PPM1B: variants seen among roughly 807,000 people sequenced by gnomAD.
The protein encoded by PPM1B is protein phosphatase, Mg2+/Mn2+ dependent 1B.
PPM1B carries 22 observed loss-of-function variants against 43.0 expected under a neutral mutation model. The ratio of observed to expected loss-of-function variants is 0.51; its 90% CI spans 0.37 to 0.73. The LOEUF (loss-of-function observed/expected upper bound fraction) is 0.73. PPM1B is among the 30% of genes least tolerant of loss of function. The pLI, the probability that PPM1B is intolerant of heterozygous loss-of-function variation, is 0.00. For missense variants in PPM1B, 632 were observed against 584.2 expected (o/e 1.08, Z -0.84); for synonymous variants, 217 against 197.9 (o/e 1.10, Z -0.81).
At chr2:44,207,381 C>G (rs1321309484) in intron 2 of PPM1B, among the ~76,000 whole-genome samples, 3 of 152,118 alleles carry the variant, frequency 2.0e-5, no homozygotes, top group South Asian at 2.1e-4. Flanking sequence ...ACAAAATAGC[C>G]TACCACCTCC....
chr2:44,179,175 A>G lies in PPM1B; in HGVS notation c.-15+9901A>G, dbSNP rs531753660. ...GCTCTCTCTTTGCCTGCTGCCATCT[A>G]TGTAAGATGTGACCTGCTTCTCCTT... On this transcript the variant is annotated intron_variant, in intron 1 of 5. Transcript: ENST00000282412. Among the ~76,000 whole-genome samples the G allele has an allele frequency of 5.3e-5, 8 of 152,274 alleles. No homozygotes were observed. In the South Asian group the frequency reaches 1.2e-3, roughly 24 times the overall value.
intron 1 of PPM1B, among the ~76,000 whole-genome samples, chr2:44,193,599 A>T (rs1414634304): frequency 5.4e-5 from 7 of 130,300 alleles, no homozygotes; most frequent in African/African-American, 1.8e-4. Flanking sequence ...TTTTTTTGAG[A>T]GACAGAGTCT....
downstream of PPM1B, among the ~76,000 whole-genome samples, chr2:44,245,952 A>C (rs1021250165): frequency 1.3e-5 from 2 of 152,200 alleles, no homozygotes; most frequent in Admixed American, 6.5e-5. Flanking sequence ...ATCTGTTTAA[A>C]TTAGATTCTG....
intron 3 of PPM1B, among the ~76,000 whole-genome samples, chr2:44,211,469 C>T (rs1669463578): frequency 6.6e-6 from 1 of 152,152 alleles, no homozygotes; most frequent in Non-Finnish European, 1.5e-5. Flanking sequence ...CTCAGTGCAT[C>T]ACAATCAGGG....
At position 44,230,697 on chromosome 2, in the gene PPM1B, G is replaced by A; in HGVS notation, c.1419G>A (p.Lys473=). Residue 473 remains lysine (K), a synonymous_variant, in exon 6 of 6, where the codon AAG becomes AAA. Transcript: ENST00000282412. ...LDSSNEDAGT[K]MSGEKI ...GCTCTAATGAAGATGCAGGGACAAA[G>A]ATGAGTGGTGAAAAAATATGACTTT... The A allele has an allele frequency of 6.2e-7, 1 of 1,607,866 alleles. No individual in the cohort carries two copies. Among genetic ancestry groups the A allele is most frequent in the East Asian group, 2.2e-5 (1 of 44,736 alleles).
At chr2:44,205,251 G>A (rs1669123321) in intron 2 of PPM1B, among the ~76,000 whole-genome samples, 1 of 152,040 alleles carries the variant, frequency 6.6e-6, no homozygotes. Flanking sequence ...GGTGAGTATT[G>A]AGGCTGAGAC....
At chr2:44,207,783 A>G (rs988877356) in intron 2 of PPM1B, among the ~76,000 whole-genome samples, 1 of 151,758 alleles carries the variant, frequency 6.6e-6, no homozygotes, top group Non-Finnish European at 1.5e-5. Context: ...AGGTTTTGCC[A>G]TGATGCCCAG....
chr2:44,231,933 A>G (rs1044837690), downstream of PPM1B, among the ~76,000 whole-genome samples: 2 of 152,244 alleles, frequency 1.3e-5, no homozygotes, highest in African/African-American at 4.8e-5. Context: ...ACTGTAGAAC[A>G]TTAACTTTTC....
chr2:44,195,224 G>A (rs1247686052), intron 1 of PPM1B, among the ~76,000 whole-genome samples: 4 of 145,328 alleles, frequency 2.8e-5, no homozygotes, highest in African/African-American at 1.0e-4. Flanking sequence ...TTTTTCAAGA[G>A]ACAGGGACTC....
At chr2:44,173,868 G>A (rs1393269855) in intron 1 of PPM1B, among the ~76,000 whole-genome samples, 2 of 152,180 alleles carry the variant, frequency 1.3e-5, no homozygotes, top group Non-Finnish European at 1.5e-5. Context: ...GCTTGTACCC[G>A]AGAGGTGAAG....
chr2:44,230,283 T>C, intron 5 of PPM1B, 130 bp from the exon 6 acceptor site: 2 of 1,490,306 alleles, frequency 1.3e-6, no homozygotes, highest in South Asian at 2.8e-5. Context: ...TGATATTTAA[T>C]AAAATGTTCT....
chr2:44,196,100 ATTG>A (rs1668650297), intron 1 of PPM1B, among the ~76,000 whole-genome samples: 1 of 152,202 alleles, frequency 6.6e-6, no homozygotes, highest in African/African-American at 2.4e-5. Context: ...ATACTGATAC[ATTG>A]TTAACTAAAG....
chr2:44,246,653 A>T (rs1249662560), downstream of PPM1B, among the ~76,000 whole-genome samples: 1 of 152,186 alleles, frequency 6.6e-6, no homozygotes, highest in Non-Finnish European at 1.5e-5. Context: ...AGGATTTTAC[A>T]TTCTTTGCAG....
chr2:44,214,214 G>A (rs879882607), intron 3 of PPM1B, among the ~76,000 whole-genome samples: 2 of 152,112 alleles, frequency 1.3e-5, no homozygotes, highest in Non-Finnish European at 2.9e-5. Context: ...GAAGTAGCTG[G>A]GACTACAGAT....
chr2:44,202,785 A>C (rs551536018), intron 2 of PPM1B, among the ~76,000 whole-genome samples: 1 of 152,320 alleles, frequency 6.6e-6, no homozygotes, highest in Non-Finnish European at 1.5e-5. Flanking sequence ...TGCTTGATAC[A>C]GTAATAGAAA....
chr2:44,169,066 C>G lies in PPM1B; in HGVS notation c.-223C>G, dbSNP rs553984583. ...GAGGAGGTGGCGGCGGCCGAATCGG[C>G]AACGGCGCTAGGGTGGAGAGAAGGC... On this transcript the variant is annotated 5_prime_UTR_variant, in exon 1 of 6. Transcript: ENST00000282412. The G allele has an allele frequency of 1.6e-4, 27 of 168,892 alleles. No homozygotes were observed. The South Asian group carries it at 2.8e-3, about 18-fold the overall frequency. 10.5% of individuals were successfully genotyped at this position (168,892 alleles called of 1,614,324 possible). A position where few individuals can be genotyped will look rare whatever the true frequency, so the allele number is the denominator to read the frequency against.
chr2:44,176,744 T>C (rs1206881269), intron 1 of PPM1B, among the ~76,000 whole-genome samples: 1 of 152,240 alleles, frequency 6.6e-6, no homozygotes, highest in African/African-American at 2.4e-5. Flanking sequence ...TGTGCTTTCA[T>C]TTATGAGTCA....
At chr2:44,235,277 TA>T (rs1294042004), downstream of PPM1B, among the ~76,000 whole-genome samples, 1 of 152,246 alleles carries the variant, frequency 6.6e-6, no homozygotes, top group Non-Finnish European at 1.5e-5. Context: ...GCAGTTCTTC[TA>T]AATATTGATC....
At chr2:44,229,445 C>T (rs976102855) in intron 5 of PPM1B, among the ~76,000 whole-genome samples, 1 of 152,032 alleles carries the variant, frequency 6.6e-6, no homozygotes, top group African/African-American at 2.4e-5. Flanking sequence ...CAGTCAAGCC[C>T]CTCACCTGTT....
Sources: gnomAD v4.1 joint callset for allele counts (sites outside exome capture counted in the v4.1 genomes callset) on GRCh38, gnomAD v4.1.1 for gene constraint, MANE v1.5 for transcripts, NCBI Gene and HGNC (gene_info 2026-07-23, HGNC 2026-07-21) for gene names.